The following CNTN5 variants were observed in gnomAD, a reference collection of about 807,000 sequenced individuals.
CNTN5 encodes contactin 5.
In CNTN5, 77 loss-of-function variants were observed where a neutral mutation model predicts 129.1. The ratio of observed to expected loss-of-function variants is 0.60; its 90% CI spans 0.50 to 0.72. CNTN5 has a LOEUF of 0.72. Among genes scored for constraint, CNTN5 ranks in the 30% least tolerant of loss-of-function variants. CNTN5 has a pLI of 0.00. For synonymous variants in CNTN5, 509 were observed against 465.6 expected (o/e 1.09, Z -1.20); for missense variants, 1,478 against 1,328.8 (o/e 1.11, Z -1.75).
At chr11:100,298,631 T>C (rs1235738344) in intron 19 of CNTN5, among the ~76,000 whole-genome samples, 1 of 151,372 alleles carries the variant, frequency 6.6e-6, no homozygotes, top group Non-Finnish European at 1.5e-5. Context: ...TTGAAGCCCA[T>C]GTAACCAATT....
intron 1 of CNTN5, among the ~76,000 whole-genome samples, chr11:99,109,080 C>G (rs533086156): frequency 5.3e-5 from 8 of 150,942 alleles, no homozygotes; most frequent in Non-Finnish European, 7.4e-5. Context: ...ATGTACATAT[C>G]TATATGTATA....
At chr11:99,512,323 G>T (rs183017637) in intron 2 of CNTN5, among the ~76,000 whole-genome samples, 225 of 152,292 alleles carry the variant, frequency 1.5e-3, no homozygotes, top group Non-Finnish European at 2.6e-3. Context: ...TAGCCTAGGA[G>T]CAGCAGGCTA....
Position 100,074,385 on chromosome 11 carries a change from G to T in CNTN5, c.1580+91G>T, listed in dbSNP as rs1944044971. ...AAACTATGCAAGAAAGAGTCTTGCAGTACCGTGAGACGTATTTTATGAACT... is the reference window on the plus strand; with the variant it reads ...AAACTATGCAAGAAAGAGTCTTGCATTACCGTGAGACGTATTTTATGAACT... On this transcript the variant is annotated intron_variant, in intron 13 of 24. Coordinates refer to ENST00000524871, the MANE Select transcript of CNTN5 (RefSeq NM_014361.4). The T allele has an allele frequency of 6.5e-6, 7 of 1,074,106 alleles. No individual in the cohort carries two copies. The South Asian group carries it at 7.4e-5, about 11-fold the overall frequency. The allele number at this position is 1,074,106 out of a possible 1,614,324, so 66.5% of individuals were successfully genotyped here.
At chr11:99,965,580 C>G (rs1361928203) in intron 8 of CNTN5, among the ~76,000 whole-genome samples, 2 of 151,876 alleles carry the variant, frequency 1.3e-5, no homozygotes, top group Non-Finnish European at 1.5e-5. Flanking sequence ...TTACTTCCAA[C>G]TATGTGGTCA....
chr11:99,403,008 CTTTTT>C (rs56376015), intron 2 of CNTN5, among the ~76,000 whole-genome samples: 25,033 of 142,124 alleles, frequency 0.18, 2,221 homozygotes, highest in South Asian at 0.23. Context: ...TGTTAAACTT[CTTTTT>C]TTTTTTTTTT....
chr11:99,749,240 G>T lies in CNTN5; in HGVS notation c.56-70304G>T, dbSNP rs576973978. Reference sequence around the variant, plus strand: ...TGGTCCCAAGCATTTTGGGAACAGGGATTCTCAACCTATATTCAGAGAGAG... The same window carrying T: ...TGGTCCCAAGCATTTTGGGAACAGGTATTCTCAACCTATATTCAGAGAGAG... On this transcript the variant is annotated intron_variant, in intron 3 of 24. Transcript: ENST00000524871. Among the ~76,000 whole-genome samples, 3 of 152,012 alleles carry T rather than the reference G, an allele frequency of 2.0e-5. No individual in the cohort carries two copies. The East Asian group carries it at 5.8e-4, about 29-fold the overall frequency.
intron 7 of CNTN5, among the ~76,000 whole-genome samples, chr11:99,948,571 C>T (rs1173802922): frequency 6.6e-6 from 1 of 152,116 alleles, no homozygotes; most frequent in Non-Finnish European, 1.5e-5. Context: ...ATCTAGTAAA[C>T]ATTTGAAACC....
chr11:99,920,762 A>G (rs1264099184), intron 7 of CNTN5, among the ~76,000 whole-genome samples: 1 of 152,084 alleles, frequency 6.6e-6, no homozygotes, highest in East Asian at 1.9e-4. Flanking sequence ...CACTAATCTC[A>G]TTCATGAGAG....
At chr11:99,271,445 A>G (rs1863167247) in intron 1 of CNTN5, among the ~76,000 whole-genome samples, 2 of 151,870 alleles carry the variant, frequency 1.3e-5, no homozygotes, top group African/African-American at 4.8e-5. Context: ...CATTTTTAGA[A>G]TAAAATTATC....
chr11:99,210,041 C>T (rs10892912), intron 1 of CNTN5, among the ~76,000 whole-genome samples: 31,172 of 152,022 alleles, frequency 0.21, 3,270 homozygotes, highest in South Asian at 0.24. Flanking sequence ...GTCAGAACTC[C>T]AAAGCTGACA....
Position 100,257,792 on chromosome 11 carries a change from A to C in CNTN5, c.2164+1874A>C, listed in dbSNP as rs144072809. On this transcript the variant is annotated intron_variant, in intron 17 of 24. Coordinates refer to ENST00000524871, the MANE Select transcript of CNTN5 (RefSeq NM_014361.4). ...CAGAAACCCCATCCAAAGGTCACCAACATCGAAGACCAAAGATAGATAAAT... is the reference window on the plus strand; with the variant it reads ...CAGAAACCCCATCCAAAGGTCACCACCATCGAAGACCAAAGATAGATAAAT... Among the ~76,000 whole-genome samples, 932 of 152,324 alleles carry C rather than the reference A, an allele frequency of 6.1e-3. 3 individuals are homozygous for C. Among genetic ancestry groups the C allele is most frequent in the Non-Finnish European group, 9.3e-3 (633 of 68,034 alleles).
At chr11:99,592,983 G>A (rs1023276612) in intron 3 of CNTN5, among the ~76,000 whole-genome samples, 7 of 152,012 alleles carry the variant, frequency 4.6e-5, no homozygotes, top group African/African-American at 1.7e-4. Context: ...GAAAAAGGGA[G>A]GCAATGGTAA....
chr11:100,193,889 C>T (rs1046287727), intron 15 of CNTN5, among the ~76,000 whole-genome samples: 1 of 151,862 alleles, frequency 6.6e-6, no homozygotes, highest in Non-Finnish European at 1.5e-5. Context: ...TTATTTAAAT[C>T]TGGTTTCTTT....
intron 3 of CNTN5, among the ~76,000 whole-genome samples, chr11:99,727,162 CG>C (rs1361036972): frequency 6.8e-6 from 1 of 147,968 alleles, no homozygotes; most frequent in East Asian, 2.0e-4. Context: ...AAAAATTAGC[CG>C]GGCGCGGTGG....
intron 3 of CNTN5, among the ~76,000 whole-genome samples, chr11:99,665,194 A>T (rs1387131797): frequency 6.6e-6 from 1 of 152,198 alleles, no homozygotes; most frequent in Non-Finnish European, 1.5e-5. Flanking sequence ...ACAGCAGCAG[A>T]TGCTAATTTG....
chr11:99,983,223 A>G (rs1938463156), intron 8 of CNTN5, among the ~76,000 whole-genome samples: 1 of 152,224 alleles, frequency 6.6e-6, no homozygotes, highest in Non-Finnish European at 1.5e-5. Context: ...GATGAATTTG[A>G]GTATGGTTTT....
intron 2 of CNTN5, among the ~76,000 whole-genome samples, chr11:99,498,033 T>C (rs1031598249): frequency 1.3e-5 from 2 of 152,172 alleles, no homozygotes; most frequent in African/African-American, 4.8e-5. Flanking sequence ...TGTTCAGGCG[T>C]ATAGTCTTGC....
rs192939084 is a variant in CNTN5, at chr11:100,340,064, C to A, written c.2731-399C>A. On this transcript the variant is annotated intron_variant, in intron 21 of 24. Coordinates refer to ENST00000524871, the MANE Select transcript of CNTN5 (RefSeq NM_014361.4). Reference sequence around the variant, plus strand: ...TATGTGAAGCTCAAGAGGAAATACTCAGATGCCACATACTCAGATAATTCA... The same window carrying A: ...TATGTGAAGCTCAAGAGGAAATACTAAGATGCCACATACTCAGATAATTCA... Among the ~76,000 whole-genome samples the A allele has an allele frequency of 5.9e-5, 9 of 152,244 alleles. No homozygotes were observed. In the East Asian group the frequency reaches 1.4e-3, roughly 23 times the overall value.
Position 99,819,579 on chromosome 11 carries a change from T to A in CNTN5, c.91T>A (p.Tyr31Asn), listed in dbSNP as rs1946721732. The A allele has an allele frequency of 1.2e-6, 2 of 1,612,736 alleles. No individual in the cohort carries two copies. The highest frequency in any genetic ancestry group is 3.3e-5 in the Admixed American group (2 of 60,012). Residue 31 changes from tyrosine to asparagine, a missense_variant, in exon 4 of 25, where the codon TAT (tyrosine) becomes AAT (asparagine). Coordinates refer to ENST00000524871, the MANE Select transcript of CNTN5 (RefSeq NM_014361.4). ...ATCTCTTCCTGGTCTCTCCACTTCATATGCTGCTTTGTTAAGAATTAAGAA... is the reference window on the plus strand; with the variant it reads ...ATCTCTTCCTGGTCTCTCCACTTCAAATGCTGCTTTGTTAAGAATTAAGAA... ...SKSLPGLSTS[Y>N]AALLRIKKSS...
Sources: gnomAD v4.1 joint callset for allele counts (sites outside exome capture counted in the v4.1 genomes callset) on GRCh38, gnomAD v4.1.1 for gene constraint, MANE v1.5 for transcripts, NCBI Gene and HGNC (gene_info 2026-07-23, HGNC 2026-07-21) for gene names.